Variants in SLC27A6 observed in about 807,000 individuals in gnomAD.
SLC27A6 encodes the protein long-chain fatty acid transport protein 6.
A neutral mutation model predicts 63.9 loss-of-function variants in SLC27A6; 74 were observed. The ratio of observed to expected loss-of-function variants is 1.16; its 90% CI spans 0.96 to 1.40. The LOEUF (loss-of-function observed/expected upper bound fraction) is 1.40, where lower values mean the gene tolerates loss of function less well. SLC27A6 is among the 40% of genes most tolerant of loss of function. The pLI, the probability that SLC27A6 is intolerant of heterozygous loss-of-function variation, is 0.00. For missense variants in SLC27A6, 794 were observed against 732.9 expected (o/e 1.08, Z -0.96); for synonymous variants, 287 against 260.8 (o/e 1.10, Z -0.97).
chr5:128,971,763 T>C (rs914626647), intron 1 of SLC27A6, among the ~76,000 whole-genome samples: 1 of 152,200 alleles, frequency 6.6e-6, no homozygotes, highest in Non-Finnish European at 1.5e-5. Context: ...TCCATTTACA[T>C]TTAATGCTAA....
chr5:129,017,422 G>A (rs574881073), intron 5 of SLC27A6, among the ~76,000 whole-genome samples: 20 of 152,160 alleles, frequency 1.3e-4, no homozygotes, highest in African/African-American at 4.8e-4. Context: ...AAAAACTTGT[G>A]CCTTAGCCAA....
chr5:129,029,871 A>C (rs1752362260), intron 9 of SLC27A6, among the ~76,000 whole-genome samples, 164 bp downstream of exon 9: 1 of 152,036 alleles, frequency 6.6e-6, no homozygotes, highest in African/African-American at 2.4e-5. Flanking sequence ...CTAATTATAA[A>C]GGGGGCATGG....
chr5:128,981,363 C>T (rs1450311254), intron 1 of SLC27A6, among the ~76,000 whole-genome samples: 17 of 151,948 alleles, frequency 1.1e-4, no homozygotes, highest in Admixed American at 1.1e-3. Context: ...CATCTGTAAT[C>T]CCAGCTACTT....
chr5:128,970,488 A>G (rs565589526), intron 1 of SLC27A6, among the ~76,000 whole-genome samples: 3 of 152,106 alleles, frequency 2.0e-5, no homozygotes, highest in Non-Finnish European at 2.9e-5. Flanking sequence ...TAGTCTTGTG[A>G]CGGTGTATGT....
chr5:128,969,044 T>C (rs1580695290), intron 1 of SLC27A6, among the ~76,000 whole-genome samples: 1 of 152,318 alleles, frequency 6.6e-6, no homozygotes, highest in Middle Eastern at 3.4e-3. Flanking sequence ...TTCTTGTTTT[T>C]GTCAGGTTTG....
intron 4 of SLC27A6, among the ~76,000 whole-genome samples, chr5:128,997,640 C>A (rs1220187536): frequency 6.6e-6 from 1 of 152,162 alleles, no homozygotes; most frequent in African/African-American, 2.4e-5. Context: ...GGTAGCAGTG[C>A]ATGTAAAATA....
chr5:129,000,104 T>C lies in SLC27A6; in HGVS notation c.969+9640T>C, dbSNP rs543204753. On this transcript the variant is annotated intron_variant, in intron 4 of 9. Transcript: ENST00000262462. ...AAGAGCACTGGGCATTCTCATCAGC[T>C]TGCTGAAGAGGAAAGGATAGTGGTG... 4.6e-5 allele frequency among the ~76,000 whole-genome samples: 7 copies of C among 152,252 alleles called. No homozygotes were observed. In the South Asian group the frequency reaches 1.5e-3, roughly 32 times the overall value.
intron 4 of SLC27A6, among the ~76,000 whole-genome samples, chr5:128,991,194 G>A (rs541898829): frequency 6.6e-6 from 1 of 152,230 alleles, no homozygotes; most frequent in African/African-American, 2.4e-5. Context: ...AGCCTAATTG[G>A]TATTTTAGTG....
intron 4 of SLC27A6, among the ~76,000 whole-genome samples, chr5:128,993,862 C>A (rs1580720192): frequency 7.5e-6 from 1 of 133,886 alleles, no homozygotes; most frequent in Middle Eastern, 4.2e-3. Flanking sequence ...AATCCCAGCA[C>A]TTTGGGAGGC....
At position 128,965,981 on chromosome 5, in the gene SLC27A6, T is replaced by C. The variant is rs1749870503; in HGVS notation, c.-157T>C. The C allele has an allele frequency of 5.2e-6, 4 of 763,174 alleles. No homozygotes were observed. The South Asian group carries it at 1.5e-4, about 28-fold the overall frequency. The allele number at this position is 763,174 out of a possible 1,614,324, so 47.3% of individuals were successfully genotyped here. The stretch of plus-strand genomic sequence containing the variant: ...AACCTACGATTCTGTTTCTCAGGAT[T>C]CCTCCCCATCCCGCTTCGCCCCGGA... On this transcript the variant is annotated 5_prime_UTR_variant, in exon 1 of 10. Transcript: ENST00000262462.
chr5:129,002,361 C>T (rs1751366950), intron 4 of SLC27A6, among the ~76,000 whole-genome samples: 1 of 152,188 alleles, frequency 6.6e-6, no homozygotes, highest in African/African-American at 2.4e-5. Flanking sequence ...CTTCCTATTA[C>T]TGAAACCATG....
intron 4 of SLC27A6, among the ~76,000 whole-genome samples, chr5:129,011,169 GT>G (rs1751713690): frequency 6.6e-6 from 1 of 152,132 alleles, no homozygotes; most frequent in Non-Finnish European, 1.5e-5. Context: ...ATAATTAGGA[GT>G]GGAATGGGTA....
chr5:128,972,408 G>A (rs562662811), intron 1 of SLC27A6, among the ~76,000 whole-genome samples: 54 of 152,224 alleles, frequency 3.5e-4, no homozygotes, highest in African/African-American at 1.2e-3. Context: ...CCAATCAAAC[G>A]TAGATTTGGT....
chr5:129,026,903 A>G (rs752653294), intron 6 of SLC27A6, among the ~76,000 whole-genome samples: 14 of 152,094 alleles, frequency 9.2e-5, no homozygotes, highest in Non-Finnish European at 1.2e-4. Context: ...TTTCCATTCA[A>G]TTCCCTTTTT....
intron 4 of SLC27A6, among the ~76,000 whole-genome samples, chr5:129,012,653 A>G (rs192932976): frequency 3.3e-5 from 5 of 152,212 alleles, no homozygotes; most frequent in Non-Finnish European, 7.4e-5. Context: ...GTTGCTATCC[A>G]TACAGTGAAT....
At chr5:128,989,275 T>C (rs1409360759) in intron 3 of SLC27A6, among the ~76,000 whole-genome samples, 1 of 152,182 alleles carries the variant, frequency 6.6e-6, no homozygotes, top group Non-Finnish European at 1.5e-5. Flanking sequence ...AAGAAATTGC[T>C]GAGGCCATCT....
At position 129,033,238 on chromosome 5, in the gene SLC27A6, AG is replaced by A; in HGVS notation, c.1819del (p.Glu607AsnfsTer6). On this transcript the variant is annotated frameshift_variant, in exon 10 of 10. Coordinates refer to ENST00000262462, the MANE Select transcript of SLC27A6 (RefSeq NM_001017372.3). LOFTEE classifies it high-confidence loss of function. ...GAAAAAGTCTTATGTTCTACTGACCAGGGAACTTTATGATCAAATAATGTTA... is the reference window on the plus strand; with the variant it reads ...GAAAAAGTCTTATGTTCTACTGACCAGGAACTTTATGATCAAATAATGTTA... ...NLKKSYVLLT[R>X]ELYDQIMLGE... The A allele has an allele frequency of 6.3e-7, 1 of 1,589,582 alleles. No homozygotes were observed. The highest frequency in any genetic ancestry group is 8.6e-7 in the Non-Finnish European group (1 of 1,167,280).
At chr5:128,975,571 A>G (rs1373439652) in intron 1 of SLC27A6, among the ~76,000 whole-genome samples, 2 of 152,172 alleles carry the variant, frequency 1.3e-5, no homozygotes, top group Admixed American at 6.5e-5. Context: ...TTTTAAGTGA[A>G]AACAGAAATG....
chr5:129,018,503 G>A (rs778430616), intron 5 of SLC27A6, among the ~76,000 whole-genome samples: 2 of 152,082 alleles, frequency 1.3e-5, no homozygotes, highest in Non-Finnish European at 2.9e-5. Context: ...AACTTTGAGG[G>A]TATAGTTGAC....
Sources: allele counts gnomAD v4.1 joint callset (sites outside exome capture counted in the v4.1 genomes callset), GRCh38; gene constraint gnomAD v4.1.1; transcripts MANE v1.5; gene names NCBI Gene and HGNC (gene_info 2026-07-23, HGNC 2026-07-21).